HFM1: variants seen among roughly 807,000 people sequenced by gnomAD.
HFM1 encodes probable ATP-dependent DNA helicase HFM1.
HFM1 carries 169 observed loss-of-function variants against 192.1 expected under a neutral mutation model. The ratio of observed to expected loss-of-function variants is 0.88; its 90% CI spans 0.78 to 1.00. The LOEUF is 1.00. HFM1 is among the 50% of genes least tolerant of loss of function. The probability of loss-of-function intolerance (pLI) is 0.00; values close to 1 mark genes in which losing one functional copy is unlikely to be tolerated. For missense variants in HFM1, 1,661 were observed against 1,668.0 expected, an observed-to-expected ratio of 1.00 and a Z score of 0.07; for synonymous variants, 525 against 537.8, an observed-to-expected ratio of 0.98 and a Z score of 0.33.
In HFM1 at chr1:91,283,073, C is replaced by T. The variant is rs973292512; in HGVS notation, c.3392-6011G>A. Among the ~76,000 whole-genome samples the T allele has an allele frequency of 9.2e-5, 14 of 152,178 alleles. 1 individual carries two copies. In the South Asian group the frequency reaches 2.1e-3, roughly 23 times the overall value. ...ACACTAGCACATGGATACTACCTGA[C>T]GAAATCTTTTTGCTGTATTTTTGTT... On this transcript the variant is annotated intron_variant, in intron 30 of 38. Coordinates refer to ENST00000370425, the MANE Select transcript of HFM1 (RefSeq NM_001017975.6).
At chr1:91,313,307 T>A in intron 30 of HFM1, 42 bp downstream of exon 30, 1 of 1,211,594 alleles carries the variant, frequency 8.3e-7, no homozygotes, top group South Asian at 1.5e-5. Context: ...CCTAGCCATA[T>A]CTTTGCTTTA....
intron 13 of HFM1, among the ~76,000 whole-genome samples, chr1:91,369,837 C>A (rs1047279782): frequency 2.6e-5 from 4 of 152,054 alleles, no homozygotes; most frequent in African/African-American, 7.2e-5. Flanking sequence ...AATTGATAAA[C>A]CACTAGCAAG....
chr1:91,261,297 A>G lies in HFM1; in HGVS notation c.4301T>C (p.Ile1434Thr). The change falls in exon 39 of 39, where the codon ATT (isoleucine) becomes ACT (threonine). Residue 1434 changes from isoleucine to threonine, a missense_variant. Transcript: ENST00000370425. The part of the protein sequence containing the change: ...MKSLLGIFDG[I>T]F ...AAAAAGTATTTGTTTGTTTTAGAAA[A>G]TACCATCAAATATTCCCAATAAAGA... is the stretch of plus-strand genomic sequence containing the variant. The G allele has an allele frequency of 7.5e-7, 1 of 1,342,034 alleles. No homozygotes were observed. The highest frequency in any genetic ancestry group is 1.8e-5 in the South Asian group (1 of 57,040). 83.1% of individuals were successfully genotyped at this position (1,342,034 alleles called of 1,614,324 possible).
At chr1:91,372,143 C>T (rs1470472331) in intron 13 of HFM1, among the ~76,000 whole-genome samples, 6 of 152,306 alleles carry the variant, frequency 3.9e-5, no homozygotes, top group Non-Finnish European at 7.3e-5. Context: ...GTTGGTGGGA[C>T]TGTAAACTAG....
intron 6 of HFM1, among the ~76,000 whole-genome samples, chr1:91,384,011 T>C (rs996116135): frequency 1.3e-5 from 2 of 152,158 alleles, no homozygotes; most frequent in Non-Finnish European, 2.9e-5. Flanking sequence ...AAAAAAACCT[T>C]TGACCTTGGT....
rs768642836 is a variant in HFM1, at chr1:91,313,411, G to T, written c.3329C>A (p.Ser1110Tyr). Reference protein sequence around the residue: ...FGNQITMQRKSETQISHSKHS... With the variant: ...FGNQITMQRKYETQISHSKHS... Reference sequence around the variant, plus strand: ...TTTAGAATGGGAAATCTGTGTTTCAGATTTTCTTTGCATAGTGATTTGATT... The same window carrying T: ...TTTAGAATGGGAAATCTGTGTTTCATATTTTCTTTGCATAGTGATTTGATT... Residue 1110 changes from serine (S) to tyrosine (Y), a missense_variant, in exon 30 of 39, where the codon TCT becomes TAT. By Grantham distance (144) the Ser-to-Tyr change is moderately radical (BLOSUM62 -2). Coordinates refer to ENST00000370425, the MANE Select transcript of HFM1 (RefSeq NM_001017975.6). 3.8e-6 allele frequency: 6 copies of T among 1,599,244 alleles called. No individual in the cohort carries two copies. The highest frequency in any genetic ancestry group is 2.2e-5 in the East Asian group (1 of 44,448).
At chr1:91,282,212 T>C (rs1186510157) in intron 30 of HFM1, among the ~76,000 whole-genome samples, 1 of 152,222 alleles carries the variant, frequency 6.6e-6, no homozygotes, top group Non-Finnish European at 1.5e-5. Flanking sequence ...TTTTCTCTTA[T>C]ATTTTCTGTC....
intron 30 of HFM1, among the ~76,000 whole-genome samples, chr1:91,289,197 G>C (rs1198135069): frequency 2.6e-5 from 4 of 151,458 alleles, no homozygotes; most frequent in African/African-American, 9.7e-5. Flanking sequence ...TGGTGGCGGG[G>C]CAGAGACACT....
rs1430485479 is a variant in HFM1, at chr1:91,364,025, T to C, written c.1686-10726A>G. On this transcript the variant is annotated intron_variant, in intron 13 of 38. Coordinates refer to ENST00000370425, the MANE Select transcript of HFM1 (RefSeq NM_001017975.6). The stretch of plus-strand genomic sequence containing the variant: ...ATATGGAGGGGAACACATTGGGACC[T>C]GTTGGGGAGGTTGGGGAGGGAGAGC... Among the ~76,000 whole-genome samples the C allele has an allele frequency of 2.0e-5, 3 of 151,958 alleles. No individual in the cohort carries two copies. In the East Asian group the frequency reaches 5.8e-4, roughly 29 times the overall value.
chr1:91,376,291 A>T (rs1221651909), intron 11 of HFM1, among the ~76,000 whole-genome samples: 1 of 152,034 alleles, frequency 6.6e-6, no homozygotes. Flanking sequence ...CCCAGTTAAT[A>T]ATCAGGCTCC....
At chr1:91,336,651 A>G (rs1654611486) in intron 20 of HFM1, among the ~76,000 whole-genome samples, 1 of 152,226 alleles carries the variant, frequency 6.6e-6, no homozygotes, top group African/African-American at 2.4e-5. Flanking sequence ...AATAAGTTCA[A>G]CCACTGCGGA....
intron 30 of HFM1, among the ~76,000 whole-genome samples, chr1:91,289,020 G>T (rs1296683935): frequency 1.3e-5 from 2 of 148,868 alleles, no homozygotes; most frequent in Admixed American, 6.7e-5. Flanking sequence ...CCCACCTCCC[G>T]GATGGGGCAG....
intron 36 of HFM1, 132 bp downstream of exon 36, chr1:91,265,884 TA>T: frequency 8.2e-7 from 1 of 1,222,856 alleles, no homozygotes; most frequent in Non-Finnish European, 1.1e-6. Flanking sequence ...AATACACCTC[TA>T]AGATTAAGAG....
In HFM1 at chr1:91,352,584, C is replaced by T. The variant is rs991048969; in HGVS notation, c.1899G>A (p.Met633Ile). ...PAHLVVIKST[M>I]HYAGGLFEEY... The stretch of plus-strand genomic sequence containing the variant: ...CTTCAAACAGTCCTCCAGCATAATG[C>T]ATTGTAGATTTTATAACTACTAGGT... The change falls in exon 16 of 39, where the codon ATG (methionine) becomes ATA (isoleucine). Residue 633 changes from methionine to isoleucine, a missense_variant. Physicochemically the swap from Met to Ile is conservative, Grantham distance 10. Coordinates refer to ENST00000370425, the MANE Select transcript of HFM1 (RefSeq NM_001017975.6). The T allele has an allele frequency of 1.4e-5, 22 of 1,609,184 alleles. No individual in the cohort carries two copies. The highest frequency in any genetic ancestry group is 1.8e-5 in the Non-Finnish European group (21 of 1,176,870).
intron 20 of HFM1, chr1:91,339,120 A>C (rs1654997379): frequency 2.3e-6 from 1 of 430,702 alleles, no homozygotes; most frequent in East Asian, 7.1e-5. Flanking sequence ...CCCCATCTGA[A>C]GGACAGCAAC....
chr1:91,312,578 A>G (rs1213534940), intron 30 of HFM1, among the ~76,000 whole-genome samples: 2 of 152,172 alleles, frequency 1.3e-5, no homozygotes, highest in Non-Finnish European at 2.9e-5. Flanking sequence ...CATTATATCT[A>G]GGAAGTAACT....
chr1:91,298,947 T>G (rs1648185383), intron 30 of HFM1, among the ~76,000 whole-genome samples: 1 of 152,072 alleles, frequency 6.6e-6, no homozygotes, highest in Non-Finnish European at 1.5e-5. Flanking sequence ...AATATTAACC[T>G]TAACTGTAAA....
intron 9 of HFM1, 108 bp from the exon 10 acceptor site, chr1:91,378,588 T>C (rs563626461): frequency 1.6e-6 from 1 of 625,146 alleles, no homozygotes; most frequent in Admixed American, 2.8e-5. Context: ...TAATAGGCAA[T>C]TTTGGTTGAT....
intron 30 of HFM1, among the ~76,000 whole-genome samples, chr1:91,300,220 C>A (rs1198483417): frequency 1.3e-5 from 2 of 152,140 alleles, no homozygotes; most frequent in African/African-American, 2.4e-5. Flanking sequence ...TACACCCTCC[C>A]AAGACTAAAC....
Sources: allele counts gnomAD v4.1 joint callset (sites outside exome capture counted in the v4.1 genomes callset), GRCh38; gene constraint gnomAD v4.1.1; transcripts MANE v1.5; gene names NCBI Gene and HGNC (gene_info 2026-07-23, HGNC 2026-07-21).